The following TCP11L2 variants were observed in gnomAD, a reference collection of about 807,000 sequenced individuals.
The protein encoded by TCP11L2 is t-complex 11 like 2.
Under a neutral mutation model 50.7 loss-of-function variants are expected in TCP11L2, and 39 were observed. The observed-to-expected ratio is 0.77, with a 90% CI of 0.60 to 1.01. The LOEUF is 1.01. Among genes scored for constraint, TCP11L2 ranks in the 50% least tolerant of loss-of-function variants. The pLI is 0.00. For synonymous variants in TCP11L2, 192 were observed against 219.3 expected, an observed-to-expected ratio of 0.88 and a Z score of 1.10; for missense variants, 612 against 614.7, an observed-to-expected ratio of 1.00 and a Z score of 0.05.
intron 6 of TCP11L2, among the ~76,000 whole-genome samples, chr12:106,327,221 T>C (rs968645700): frequency 2.6e-5 from 4 of 151,932 alleles, no homozygotes; most frequent in African/African-American, 9.7e-5. Flanking sequence ...AGAGACAGAG[T>C]CTCACTCTAT....
intron 1 of TCP11L2, chr12:106,303,596 C>T (rs774987771): frequency 1.3e-5 from 2 of 152,290 alleles, no homozygotes; most frequent in Non-Finnish European, 2.9e-5. Context: ...ACGCTGAACC[C>T]TCAGGTGTTG....
chr12:106,332,684 T>C (rs1021845758), intron 6 of TCP11L2, among the ~76,000 whole-genome samples: 5 of 152,192 alleles, frequency 3.3e-5, no homozygotes, highest in African/African-American at 1.2e-4. Flanking sequence ...GCTTTCTTCC[T>C]GGCACTGCAG....
chr12:106,299,223 T>G (rs1460820215), upstream of TCP11L2, among the ~76,000 whole-genome samples: 1 of 152,190 alleles, frequency 6.6e-6, no homozygotes, highest in Non-Finnish European at 1.5e-5. Flanking sequence ...CAGTGAAAAT[T>G]ACTCTTGAAA....
chr12:106,335,399 G>C (rs1223216094), intron 6 of TCP11L2, among the ~76,000 whole-genome samples: 1 of 152,092 alleles, frequency 6.6e-6, no homozygotes, highest in Admixed American at 6.6e-5. Flanking sequence ...CACTTACAGA[G>C]CTCTTCCTCT....
At chr12:106,324,989 T>C (rs1053446213) in intron 6 of TCP11L2, 5 of 152,228 alleles carry the variant, frequency 3.3e-5, no homozygotes, top group African/African-American at 4.8e-5. Flanking sequence ...AAACTGTATA[T>C]GTATTTGGGA....
intron 1 of TCP11L2, among the ~76,000 whole-genome samples, chr12:106,307,650 C>T (rs1211544977): frequency 6.6e-6 from 1 of 152,140 alleles, no homozygotes; most frequent in African/African-American, 2.4e-5. Context: ...TTGCGGAAGA[C>T]CATTCACACA....
At chr12:106,339,216 C>T (rs1423166157) in intron 8 of TCP11L2, among the ~76,000 whole-genome samples, 2 of 152,176 alleles carry the variant, frequency 1.3e-5, no homozygotes, top group African/African-American at 4.8e-5. Context: ...TTTTGATTTG[C>T]ATTTCTCTAA....
At chr12:106,322,118 A>G (rs1029505087) in intron 5 of TCP11L2, among the ~76,000 whole-genome samples, 1 of 152,228 alleles carries the variant, frequency 6.6e-6, no homozygotes, top group Non-Finnish European at 1.5e-5. Context: ...CTGCTATAAC[A>G]CATAAACCCT....
chr12:106,300,361 G>A (rs748272041), upstream of TCP11L2, among the ~76,000 whole-genome samples: 32 of 152,088 alleles, frequency 2.1e-4, no homozygotes, highest in Non-Finnish European at 3.5e-4. Flanking sequence ...ATGGAGTCTC[G>A]CTCTGTCGCC....
At chr12:106,323,288 G>T (rs917763558) in intron 5 of TCP11L2, among the ~76,000 whole-genome samples, 3 of 152,042 alleles carry the variant, frequency 2.0e-5, no homozygotes, top group Non-Finnish European at 2.9e-5. Context: ...ATATCATTAA[G>T]ATTGTTTATG....
At chr12:106,330,014 C>G in intron 6 of TCP11L2, 1 of 985,440 alleles carries the variant, frequency 1.0e-6, no homozygotes, top group East Asian at 1.1e-4. Context: ...CTACTCTGCA[C>G]CTGTGTTCAG....
At position 106,346,304 on chromosome 12, in the gene TCP11L2, A is replaced by G; in HGVS notation, c.1334A>G (p.Tyr445Cys). Residue 445 changes from tyrosine to cysteine, a missense_variant, in exon 10 of 10, where the codon TAC (tyrosine) becomes TGC (cysteine). Physicochemically the swap from Tyr to Cys is radical, Grantham distance 194. Transcript: ENST00000299045. ...WSLIDKRIKL[Y>C]MRRLLCLPSP... is the part of the protein sequence containing the mutation. ...CCTTCAGATAAACGAATTAAGCTTT[A>G]CATGAGAAGGCTACTTTGTCTTCCA... 1.2e-6 allele frequency: 2 copies of G among 1,610,862 alleles called. No individual in the cohort carries two copies. The highest frequency in any genetic ancestry group is 1.7e-6 in the Non-Finnish European group (2 of 1,178,114).
chr12:106,318,896 ATTTTT>A (rs1181792658), intron 4 of TCP11L2, among the ~76,000 whole-genome samples: 2 of 85,488 alleles, frequency 2.3e-5, no homozygotes, highest in African/African-American at 7.3e-5. Context: ...ATTTTATTTT[ATTTTT>A]TTTTTTTTTT....
At chr12:106,309,260 A>C (rs1465257051) in intron 1 of TCP11L2, among the ~76,000 whole-genome samples, 1 of 152,172 alleles carries the variant, frequency 6.6e-6, no homozygotes, top group Non-Finnish European at 1.5e-5. Context: ...GTTTAAGCTC[A>C]GGTAGAATTT....
intron 9 of TCP11L2, among the ~76,000 whole-genome samples, 190 bp downstream of exon 9, chr12:106,341,188 G>T (rs1228815202): frequency 6.6e-6 from 1 of 152,174 alleles, no homozygotes; most frequent in Non-Finnish European, 1.5e-5. Context: ...GTGTCATGGA[G>T]TTGGGGGATG....
At chr12:106,306,351 T>C (rs2034633891) in intron 1 of TCP11L2, among the ~76,000 whole-genome samples, 1 of 152,258 alleles carries the variant, frequency 6.6e-6, no homozygotes, top group African/African-American at 2.4e-5. Context: ...CTATGTGCTT[T>C]ATTATTTTTT....
chr12:106,329,916 G>A (rs528694727), intron 6 of TCP11L2: 5 of 985,650 alleles, frequency 5.1e-6, no homozygotes, highest in African/African-American at 1.7e-5. Context: ...GAAATTCTGG[G>A]GGTGGTGTTG....
intron 1 of TCP11L2, among the ~76,000 whole-genome samples, chr12:106,308,571 A>G (rs181185122): frequency 5.9e-5 from 9 of 152,370 alleles, no homozygotes; most frequent in African/African-American, 2.2e-4. Flanking sequence ...CAACCGAAGT[A>G]GAGAAAAATT....
chr12:106,298,016 A>G (rs1451258155), upstream of TCP11L2, among the ~76,000 whole-genome samples: 1 of 152,184 alleles, frequency 6.6e-6, no homozygotes, highest in Admixed American at 6.5e-5. Context: ...AGCACTAAGA[A>G]TATTTGTCTT....
Sources: gnomAD v4.1 joint callset for allele counts (sites outside exome capture counted in the v4.1 genomes callset) on GRCh38, gnomAD v4.1.1 for gene constraint, MANE v1.5 for transcripts, NCBI Gene and HGNC (gene_info 2026-07-23, HGNC 2026-07-21) for gene names.